The following KLF12 variants were observed in gnomAD, a reference collection of about 807,000 sequenced individuals.
KLF12 encodes the protein KLF transcription factor 12.
In KLF12, 9 loss-of-function variants were observed where a neutral mutation model predicts 37.8. That is an observed-to-expected ratio of 0.24 (90% confidence interval 0.14 to 0.42). The LOEUF (loss-of-function observed/expected upper bound fraction) is 0.42, where lower values mean the gene tolerates loss of function less well. Among genes scored for constraint, KLF12 ranks in the 10% least tolerant of loss-of-function variants. The probability of loss-of-function intolerance (pLI) is 1.00; values close to 1 mark genes in which losing one functional copy is unlikely to be tolerated. For missense variants in KLF12, 411 were observed against 516.0 expected, an observed-to-expected ratio of 0.80 and a Z score of 1.97; for synonymous variants, 208 against 202.1, an observed-to-expected ratio of 1.03 and a Z score of -0.25.
At chr13:73,726,723 G>T (rs1876695754) in intron 6 of KLF12, among the ~76,000 whole-genome samples, 1 of 152,076 alleles carries the variant, frequency 6.6e-6, no homozygotes, top group South Asian at 2.1e-4. Flanking sequence ...CCACTTTTTG[G>T]CTATTATGAA....
chr13:73,738,092 CATATAT>C lies in KLF12; in HGVS notation c.870-22573_870-22568del, dbSNP rs778759106. On this transcript the variant is annotated intron_variant, in intron 6 of 7. Coordinates refer to ENST00000377669, the MANE Select transcript of KLF12 (RefSeq NM_007249.5). ...ATACACACACATATATGTATGTGTA[CATATAT>C]ATATATATATATATATATATATATA... Among the ~76,000 whole-genome samples the C allele has an allele frequency of 3.5e-3, 411 of 116,656 alleles. 2 individuals carry two copies. Among genetic ancestry groups the C allele is most frequent in the African/African-American group, 5.5e-3 (179 of 32,384 alleles). The allele number at this position is 116,656 out of a possible 152,430, so 76.5% of individuals were successfully genotyped here.
At chr13:73,777,160 C>G (rs1023644093) in intron 5 of KLF12, among the ~76,000 whole-genome samples, 1 of 151,986 alleles carries the variant, frequency 6.6e-6, no homozygotes, top group Admixed American at 6.6e-5. Context: ...GCTGGGTGTC[C>G]TAAGATACAG....
At chr13:73,880,773 A>G (rs1392267555) in intron 3 of KLF12, among the ~76,000 whole-genome samples, 1 of 152,206 alleles carries the variant, frequency 6.6e-6, no homozygotes, top group Non-Finnish European at 1.5e-5. Flanking sequence ...CTATGTTCTA[A>G]ATAGATTTGT....
At chr13:74,041,120 A>G (rs1204952496) in intron 1 of KLF12, among the ~76,000 whole-genome samples, 1 of 152,292 alleles carries the variant, frequency 6.6e-6, no homozygotes, top group South Asian at 2.1e-4. Flanking sequence ...CTACTTATAC[A>G]CACCTTTCCT....
intron 6 of KLF12, among the ~76,000 whole-genome samples, chr13:73,730,910 G>C (rs554009232): frequency 1.4e-3 from 213 of 152,206 alleles, no homozygotes; most frequent in Non-Finnish European, 2.0e-3. Context: ...TGTAGGTCCT[G>C]GAAGTGCCAT....
At chr13:74,027,193 C>T (rs1892996462) in intron 1 of KLF12, among the ~76,000 whole-genome samples, 1 of 152,186 alleles carries the variant, frequency 6.6e-6, no homozygotes, top group Non-Finnish European at 1.5e-5. Context: ...ACCTACCTTA[C>T]AGCTTGCCTG....
chr13:74,132,293 T>G (rs1287962756), intron 1 of KLF12, among the ~76,000 whole-genome samples: 1 of 152,172 alleles, frequency 6.6e-6, no homozygotes, highest in Non-Finnish European at 1.5e-5. Context: ...TAAACAACTC[T>G]ATCGTCCAGT....
intron 5 of KLF12, among the ~76,000 whole-genome samples, chr13:73,788,951 C>G (rs907950986): frequency 6.6e-6 from 1 of 152,170 alleles, no homozygotes; most frequent in South Asian, 2.1e-4. Context: ...AAATTTCACA[C>G]TTTGTGTACA....
At chr13:73,812,759 A>C (rs1420466926) in intron 5 of KLF12, 3 of 157,416 alleles carry the variant, frequency 1.9e-5, no homozygotes, top group African/African-American at 7.2e-5. Context: ...TCTTCCAAAA[A>C]GCTATTCTGT....
Position 73,846,168 on chromosome 13 carries a change from G to A in KLF12, c.329C>T (p.Pro110Leu), listed in dbSNP as rs1311779192. Residue 110 changes from proline (P) to leucine (L), a missense_variant, in exon 4 of 8, where the codon CCT becomes CTT. Physicochemically the swap from Pro to Leu is moderately conservative, Grantham distance 98. Transcript: ENST00000377669. ...CGATGAAGAGGTTGAAGTTGAAGAA[G>A]GTGAGGAGGCAGATGCTGTCATGGA... 6.2e-7 allele frequency: 1 copy of A among 1,614,018 alleles called. No individual in the cohort carries two copies. The highest frequency in any genetic ancestry group is 1.7e-5 in the Admixed American group (1 of 59,986).
intron 1 of KLF12, among the ~76,000 whole-genome samples, chr13:74,088,374 T>C (rs1238788190): frequency 6.6e-6 from 1 of 151,946 alleles, no homozygotes; most frequent in Non-Finnish European, 1.5e-5. Context: ...ATTACAGACA[T>C]ATGCCACTAT....
chr13:73,707,311 T>C (rs1412460508), intron 7 of KLF12, among the ~76,000 whole-genome samples: 2 of 152,148 alleles, frequency 1.3e-5, no homozygotes, highest in Non-Finnish European at 2.9e-5. Flanking sequence ...TGTTCAAAGG[T>C]AAAAAAGAAA....
chr13:73,883,811 ATTAAC>A (rs954485965), intron 3 of KLF12, among the ~76,000 whole-genome samples: 1 of 152,218 alleles, frequency 6.6e-6, no homozygotes, highest in African/African-American at 2.4e-5. Flanking sequence ...TTAAAAAAGC[ATTAAC>A]TTTTGTTGGA....
chr13:74,205,514 A>G, the KLF12 span, among the ~76,000 whole-genome samples: 430 of 152,252 alleles, frequency 2.8e-3, 4 homozygotes, highest in Middle Eastern at 0.02. Context: ...GTAAAGAAAA[A>G]TATTATCTAA....
the KLF12 span, among the ~76,000 whole-genome samples, chr13:74,252,128 G>C: frequency 1.3e-5 from 2 of 152,186 alleles, no homozygotes; most frequent in Non-Finnish European, 2.9e-5. Context: ...GTTTTGTTGT[G>C]TGTGTTTATT....
At position 73,695,154 on chromosome 13, in the gene KLF12, T is replaced by C. The variant is rs1452989559; in HGVS notation, c.*336A>G. 2 of 248,316 alleles carry C rather than the reference T, an allele frequency of 8.1e-6. No individual in the cohort carries two copies. Among genetic ancestry groups the C allele is most frequent in the Non-Finnish European group, 1.6e-5 (2 of 127,800 alleles). The allele number at this position is 248,316 out of a possible 1,614,324, so 15.4% of individuals were successfully genotyped here. A position where few individuals can be genotyped will look rare whatever the true frequency, so the allele number is the denominator to read the frequency against. On this transcript the variant is annotated 3_prime_UTR_variant, in exon 8 of 8. Transcript: ENST00000377669. ...AGCCATCAATTTGTGGTAGGTGACC[T>C]TTAAGGTATCAATAACAAAATGTCT...
chr13:73,695,759 T>C (rs997406811), intron 7 of KLF12, 88 bp from the exon 8 acceptor site: 12 of 1,243,004 alleles, frequency 9.7e-6, no homozygotes, highest in Admixed American at 2.0e-5. Flanking sequence ...GAAACTGGTG[T>C]TCTCAATGAA....
the KLF12 span, among the ~76,000 whole-genome samples, chr13:74,158,926 TG>T: frequency 7.2e-5 from 11 of 152,312 alleles, no homozygotes; most frequent in East Asian, 9.7e-4. Context: ...ATTTTGTAAA[TG>T]TTTTTAAAGT....
In KLF12 at chr13:73,901,533, G is replaced by C. The variant is rs763169430; in HGVS notation, c.123+42448C>G. Among the ~76,000 whole-genome samples, 3 of 151,928 alleles carry C rather than the reference G, an allele frequency of 2.0e-5. No homozygotes were observed. In the East Asian group the frequency reaches 5.8e-4, roughly 29 times the overall value. ...ATATATTAGCCCAAATTATAGGATTGCTCACTCTGTCCTGATGGTTATAAA... is the reference window on the plus strand; with the variant it reads ...ATATATTAGCCCAAATTATAGGATTCCTCACTCTGTCCTGATGGTTATAAA... On this transcript the variant is annotated intron_variant, in intron 3 of 7. Coordinates refer to ENST00000377669, the MANE Select transcript of KLF12 (RefSeq NM_007249.5).
Sources: allele counts gnomAD v4.1 joint callset (sites outside exome capture counted in the v4.1 genomes callset), GRCh38; gene constraint gnomAD v4.1.1; transcripts MANE v1.5; gene names NCBI Gene and HGNC (gene_info 2026-07-23, HGNC 2026-07-21).